Variants in CIROP observed in about 807,000 individuals in gnomAD.
CIROP encodes the protein ciliated left-right organizer metallopeptidase, also known as leishmanolysin homolog.
chr14:23,103,637 A>G, the CIROP span: 1 of 692,696 alleles, frequency 1.4e-6, no homozygotes, highest in South Asian at 1.5e-5. Context: ...TAAGATTGAG[A>G]GAGACAGCAG....
the CIROP span, chr14:23,100,422 C>T: frequency 1.9e-5 from 8 of 412,532 alleles, no homozygotes; most frequent in East Asian, 3.6e-5. Context: ...ACAATATACA[C>T]GTGAGTGAGT....
At chr14:23,104,637 A>T in the CIROP span, 1 of 702,690 alleles carries the variant, frequency 1.4e-6, no homozygotes, top group Non-Finnish European at 2.6e-6. Flanking sequence ...GGCCTCTCTC[A>T]CTGCGGCCAG....
At chr14:23,102,112 T>C in the CIROP span, 1 of 702,872 alleles carries the variant, frequency 1.4e-6, no homozygotes, top group Non-Finnish European at 2.6e-6. Flanking sequence ...CAACAGCTCC[T>C]CTGCAGCGCT....
the CIROP span, chr14:23,102,456 G>A: frequency 2.8e-6 from 2 of 702,790 alleles, no homozygotes; most frequent in Non-Finnish European, 5.2e-6. Flanking sequence ...ATCTTGCCTT[G>A]TCACTAGTTG....
At chr14:23,103,811 T>C in the CIROP span, 3 of 702,344 alleles carry the variant, frequency 4.3e-6, no homozygotes, top group South Asian at 4.4e-5. Flanking sequence ...AAGATGGGTG[T>C]CAGGAATCTG....
the CIROP span, chr14:23,102,765 CCAAA>C: frequency 2.8e-5 from 20 of 702,458 alleles, no homozygotes; most frequent in Non-Finnish European, 4.4e-5. Context: ...GCAGGATTGA[CCAAA>C]CACTCTATAA....
At chr14:23,102,418 G>A in the CIROP span, 6 of 702,876 alleles carry the variant, frequency 8.5e-6, no homozygotes, top group Non-Finnish European at 1.6e-5. Context: ...CTAACAGCTG[G>A]GGTGGTGAGA....
the CIROP span, chr14:23,104,274 C>T: frequency 1.5e-6 from 1 of 682,588 alleles, no homozygotes; most frequent in South Asian, 1.5e-5. Flanking sequence ...TCCTTTGTAT[C>T]CTGGGTTCAA....
the CIROP span, chr14:23,102,234 T>A: frequency 4.3e-6 from 3 of 702,850 alleles, no homozygotes; most frequent in Non-Finnish European, 7.8e-6. Context: ...CCTGGAGTAG[T>A]CTGGCCTCCC....
chr14:23,104,583 C>G, the CIROP span: 1 of 700,092 alleles, frequency 1.4e-6, no homozygotes, highest in Non-Finnish European at 2.6e-6. Context: ...CCTGACACCT[C>G]TGTTCCCTCA....
At chr14:23,099,184 A>G in the CIROP span, 1 of 412,418 alleles carries the variant, frequency 2.4e-6, no homozygotes, top group Non-Finnish European at 4.4e-6. Context: ...GAGGCATTCC[A>G]AAGAAAGTAG....
At chr14:23,101,671 C>T in the CIROP span, 1 of 703,034 alleles carries the variant, frequency 1.4e-6, no homozygotes, top group Non-Finnish European at 2.6e-6. Flanking sequence ...CTACTCACCC[C>T]ATTGGCTAAG....
the CIROP span, chr14:23,099,504 G>A: frequency 7.3e-6 from 3 of 411,798 alleles, no homozygotes; most frequent in East Asian, 1.1e-4. Flanking sequence ...GAACATAGAA[G>A]GTAATATTTG....
the CIROP span, chr14:23,103,338 C>T: frequency 2.7e-6 from 1 of 367,722 alleles, no homozygotes. Context: ...TGCTTGAGCC[C>T]AAGAGTTTGA....
the CIROP span, chr14:23,102,318 T>A: frequency 1.4e-6 from 1 of 702,006 alleles, no homozygotes; most frequent in Admixed American, 2.0e-5. Context: ...CTTTCTTCCA[T>A]CACCCCAAGG....
chr14:23,100,224 C>T, the CIROP span: 1 of 270,456 alleles, frequency 3.7e-6, no homozygotes, highest in Non-Finnish European at 7.2e-6. Flanking sequence ...CACTGCATTC[C>T]AGCCTGGGTG....
the CIROP span, chr14:23,101,920 C>T: frequency 1.4e-6 from 1 of 701,824 alleles, no homozygotes; most frequent in Admixed American, 2.0e-5. Flanking sequence ...TCCTGCTTGA[C>T]AGATGAGAAG....
chr14:23,104,847 T>C, the CIROP span: 4 of 702,464 alleles, frequency 5.7e-6, no homozygotes, highest in Non-Finnish European at 1.0e-5. Flanking sequence ...TGTCTCATCA[T>C]GTAGACATCG....
At chr14:23,103,075 A>T in the CIROP span, 1 of 480,492 alleles carries the variant, frequency 2.1e-6, no homozygotes, top group Middle Eastern at 5.3e-4. Flanking sequence ...AGGACAGGGT[A>T]GGGCCAGAAA....
Sources: gnomAD v4.1 joint callset for allele counts on GRCh38, gnomAD v4.1.1 for gene constraint, MANE v1.5 for transcripts, NCBI Gene and HGNC (gene_info 2026-07-23, HGNC 2026-07-21) for gene names.